PCDHA5: variants seen among roughly 807,000 people sequenced by gnomAD.
The protein encoded by PCDHA5 is protocadherin alpha-5.
In PCDHA5, 43 loss-of-function variants were observed where a neutral mutation model predicts 61.6. The ratio of observed to expected loss-of-function variants is 0.70; its 90% CI spans 0.55 to 0.90. PCDHA5 has a LOEUF of 0.90. PCDHA5 is among the 40% of genes least tolerant of loss of function. The pLI is 0.00. For missense variants in PCDHA5, 1,298 were observed against 1,222.7 expected (o/e 1.06, Z -0.92); for synonymous variants, 627 against 543.9 (o/e 1.15, Z -2.13).
At chr5:140,935,093 A>G (rs1182064605) in intron 1 of PCDHA5, among the ~76,000 whole-genome samples, 1 of 152,204 alleles carries the variant, frequency 6.6e-6, no homozygotes, top group Admixed American at 6.5e-5. Context: ...TCCCAGAATC[A>G]GCCATTTTTC....
chr5:140,928,900 G>A lies in PCDHA5; in HGVS notation c.2353-50049G>A, dbSNP rs782597882. On this transcript the variant is annotated intron_variant, in intron 1 of 3. Coordinates refer to ENST00000529859, the MANE Select transcript of PCDHA5 (RefSeq NM_018908.3). ...TCAGTTACTTCCAGACTTTGAAGATGTCTGGGAACCAGGAGGGCAGCTTTC... is the reference window on the plus strand; with the variant it reads ...TCAGTTACTTCCAGACTTTGAAGATATCTGGGAACCAGGAGGGCAGCTTTC... The A allele has an allele frequency of 3.1e-6, 5 of 1,614,212 alleles. No homozygotes were observed. The South Asian group carries it at 5.5e-5, about 18-fold the overall frequency.
intron 1 of PCDHA5, chr5:140,852,731 C>G: frequency 1.0e-6 from 1 of 983,362 alleles, no homozygotes; most frequent in Non-Finnish European, 1.2e-6. Context: ...TTTCAAGTTT[C>G]ATGTGCCATT....
At chr5:140,942,311 G>A (rs781987580) in intron 1 of PCDHA5, among the ~76,000 whole-genome samples, 1 of 152,004 alleles carries the variant, frequency 6.6e-6, no homozygotes, top group Non-Finnish European at 1.5e-5. Flanking sequence ...TTGGGAGGTC[G>A]AGGCACAAGA....
At chr5:140,992,271 T>C (rs1375901464) in intron 3 of PCDHA5, among the ~76,000 whole-genome samples, 1 of 152,184 alleles carries the variant, frequency 6.6e-6, no homozygotes, top group African/African-American at 2.4e-5. Flanking sequence ...GTTCTTTTCG[T>C]AGCACATCCC....
intron 1 of PCDHA5, among the ~76,000 whole-genome samples, chr5:140,912,566 T>G (rs1562988008): frequency 2.0e-5 from 3 of 152,178 alleles, no homozygotes; most frequent in Admixed American, 1.3e-4. Context: ...CAGTTTTAAC[T>G]TCCTCTTTTC....
At chr5:140,912,844 C>T (rs960802369) in intron 1 of PCDHA5, among the ~76,000 whole-genome samples, 16 of 152,150 alleles carry the variant, frequency 1.1e-4, no homozygotes, top group Admixed American at 2.6e-4. Context: ...AATGCTTTTT[C>T]AGCATCAATT....
intron 1 of PCDHA5, among the ~76,000 whole-genome samples, chr5:140,888,523 T>C (rs1316582829): frequency 6.6e-6 from 1 of 152,244 alleles, no homozygotes; most frequent in African/African-American, 2.4e-5. Flanking sequence ...AGTTCTGACG[T>C]GAAGTTAAGT....
At chr5:140,939,351 T>C (rs918440257) in intron 1 of PCDHA5, among the ~76,000 whole-genome samples, 2 of 152,140 alleles carry the variant, frequency 1.3e-5, no homozygotes, top group Non-Finnish European at 1.5e-5. Flanking sequence ...TTTCAACTTA[T>C]GATTGCAAAG....
intron 1 of PCDHA5, chr5:140,835,532 A>G (rs2150237732): frequency 2.1e-5 from 34 of 1,613,822 alleles, no homozygotes; most frequent in Admixed American, 3.3e-5. Context: ...GAGTCAACGG[A>G]CAGGTTACCT....
At chr5:140,856,441 G>C in intron 1 of PCDHA5, 1 of 1,598,410 alleles carries the variant, frequency 6.3e-7, no homozygotes. Flanking sequence ...ACCCGCCCAG[G>C]TTCTCCGTAA....
intron 1 of PCDHA5, chr5:140,824,349 T>C (rs1288937834): frequency 3.4e-6 from 2 of 588,082 alleles, no homozygotes; most frequent in Admixed American, 3.5e-5. Flanking sequence ...TTTAAAATAA[T>C]ATTTTATATT....
At position 140,843,977 on chromosome 5, in the gene PCDHA5, C is replaced by A. The variant is rs1357233460; in HGVS notation, c.2352+19850C>A. Reference sequence around the variant, plus strand: ...TTTACTGAATATTTATTTTGGCCTGCCTTACAGCCGTCTTCTCTGAACAAT... The same window carrying A: ...TTTACTGAATATTTATTTTGGCCTGACTTACAGCCGTCTTCTCTGAACAAT... On this transcript the variant is annotated intron_variant, in intron 1 of 3. Transcript: ENST00000529859. Among the ~76,000 whole-genome samples the A allele has an allele frequency of 1.3e-5, 2 of 149,352 alleles. 1 individual carries two copies.
intron 1 of PCDHA5, chr5:140,927,810 G>A: frequency 2.5e-6 from 4 of 1,614,200 alleles, no homozygotes; most frequent in Non-Finnish European, 3.4e-6. Flanking sequence ...AAACGCTCTT[G>A]GAGGCATACA....
chr5:140,938,268 T>C (rs2091998417), intron 1 of PCDHA5, among the ~76,000 whole-genome samples: 1 of 152,190 alleles, frequency 6.6e-6, no homozygotes, highest in Non-Finnish European at 1.5e-5. Context: ...TCTAATCACA[T>C]AGTTTTCTTG....
chr5:140,950,040 C>A (rs1053592525), intron 1 of PCDHA5, among the ~76,000 whole-genome samples: 2 of 151,718 alleles, frequency 1.3e-5, no homozygotes, highest in Non-Finnish European at 3.0e-5. Flanking sequence ...AAGTTACAAC[C>A]ATATAAGACT....
chr5:140,982,649 G>T, intron 3 of PCDHA5, 86 bp downstream of exon 3: 2 of 1,504,320 alleles, frequency 1.3e-6, no homozygotes, highest in South Asian at 1.3e-5. Context: ...AATGTTGATG[G>T]CTCTTTTTCT....
intron 1 of PCDHA5, among the ~76,000 whole-genome samples, chr5:140,941,941 T>G (rs1461291615): frequency 1.3e-5 from 2 of 152,246 alleles, no homozygotes; most frequent in Admixed American, 1.3e-4. Context: ...TGAATTACTT[T>G]TGTTTTGAAA....
intron 3 of PCDHA5, among the ~76,000 whole-genome samples, chr5:140,993,515 G>T (rs1351377291): frequency 6.7e-6 from 1 of 149,364 alleles, no homozygotes; most frequent in East Asian, 1.9e-4. Context: ...CACACGGGGA[G>T]AGAGAGACAG....
Position 140,850,727 on chromosome 5 carries a change from G to T in PCDHA5, c.2352+26600G>T, listed in dbSNP as rs2150496154. 1.7e-5 allele frequency: 27 copies of T among 1,597,890 alleles called. 4 individuals carry two copies. The highest frequency in any genetic ancestry group is 2.2e-5 in the South Asian group (2 of 90,514). ...AGCCGACGCTGGTGTGTTCTAGCGC[G>T]GTGGGGAGTTGGTCGTACTCGCAGC... is the stretch of plus-strand genomic sequence containing the variant. On this transcript the variant is annotated intron_variant, in intron 1 of 3. Transcript: ENST00000529859.
Sources: gnomAD v4.1 joint callset for allele counts (sites outside exome capture counted in the v4.1 genomes callset) on GRCh38, gnomAD v4.1.1 for gene constraint, MANE v1.5 for transcripts, NCBI Gene and HGNC (gene_info 2026-07-23, HGNC 2026-07-21) for gene names.